The following RNF217 variants were observed in gnomAD, a reference collection of about 807,000 sequenced individuals.
The protein encoded by RNF217 is E3 ubiquitin-protein ligase RNF217.
RNF217 carries 31 observed loss-of-function variants against 57.8 expected under a neutral mutation model. That is an observed-to-expected ratio of 0.54 (90% CI 0.40 to 0.72). The LOEUF is 0.72. Among genes scored for constraint, RNF217 ranks in the 30% least tolerant of loss-of-function variants. The pLI is 0.00. For missense variants in RNF217, 696 were observed against 708.3 expected (o/e 0.98, Z 0.20); for synonymous variants, 313 against 294.0 (o/e 1.06, Z -0.66).
At chr6:125,012,267 A>G (rs1325150901) in intron 1 of RNF217, among the ~76,000 whole-genome samples, 1 of 152,186 alleles carries the variant, frequency 6.6e-6, no homozygotes, top group African/African-American at 2.4e-5. Flanking sequence ...CCTGGTAAGC[A>G]CAACAGAATG....
At chr6:124,998,491 G>A (rs1784834599) in intron 1 of RNF217, among the ~76,000 whole-genome samples, 1 of 151,914 alleles carries the variant, frequency 6.6e-6, no homozygotes, top group South Asian at 2.1e-4. Flanking sequence ...TTTAATATTG[G>A]TCATAACATT....
At chr6:125,033,517 C>A (rs1177589312) in intron 1 of RNF217, among the ~76,000 whole-genome samples, 1 of 149,166 alleles carries the variant, frequency 6.7e-6, no homozygotes, top group Non-Finnish European at 1.5e-5. Context: ...CTACAAAGGA[C>A]ATGAACTCAT....
At chr6:125,034,640 G>C (rs977742298) in intron 1 of RNF217, among the ~76,000 whole-genome samples, 1 of 152,144 alleles carries the variant, frequency 6.6e-6, no homozygotes, top group Non-Finnish European at 1.5e-5. Context: ...GATGCCTCCA[G>C]CTTTGTTCTT....
chr6:124,963,073 C>T lies in RNF217; in HGVS notation c.529C>T (p.Pro177Ser), dbSNP rs908499924. The change falls in exon 1 of 6, where the codon CCC (proline) becomes TCC (serine). Residue 177 changes from proline (P) to serine (S), a missense_variant. Around this residue, in one of 2 missense-constraint regions of RNF217, gnomAD observed 465 missense variants for 386.8 expected, o/e 1.20. Coordinates refer to ENST00000521654, the MANE Select transcript of RNF217 (RefSeq NM_001286398.3). ...CGTGGAGAGCGACCTGCCCGAGGCC[C>T]CCGCCTCGGAGCAGCTCTCGCCGCC... The part of the protein sequence containing the change: ...YCVESDLPEA[P>S]ASEQLSPPAS... 2.8e-5 allele frequency: 44 copies of T among 1,559,070 alleles called. No individual in the cohort carries two copies. The highest frequency in any genetic ancestry group is 4.1e-5 in the African/African-American group (3 of 73,908).
At position 125,058,064 on chromosome 6, in the gene RNF217, T is replaced by C; in HGVS notation, c.1239T>C (p.Ile413=). The change falls in exon 3 of 6, where the codon ATT becomes ATC. Residue 413 remains isoleucine, a synonymous_variant. Coordinates refer to ENST00000521654, the MANE Select transcript of RNF217 (RefSeq NM_001286398.3). The part of the protein sequence containing the change: ...DKLLRHWASE[I]EHGQRNAQKC... ...TGTTGCGTCACTGGGCCAGCGAAAT[T>C]GAGCATGGGCAGAGGAATGCCCAGA... 6.2e-7 allele frequency: 1 copy of C among 1,613,500 alleles called. No individual in the cohort carries two copies. The highest frequency in any genetic ancestry group is 1.1e-5 in the South Asian group (1 of 91,028).
In RNF217 at chr6:124,963,145, C is replaced by A. The variant is rs930371516; in HGVS notation, c.601C>A (p.Arg201Ser). The A allele has an allele frequency of 1.4e-5, 21 of 1,534,048 alleles. No individual in the cohort carries two copies. The African/African-American group carries it at 2.7e-4, about 20-fold the overall frequency. Residue 201 changes from arginine to serine, a missense_variant, in exon 1 of 6, where the codon CGC (arginine) becomes AGC (serine). Coordinates refer to ENST00000521654, the MANE Select transcript of RNF217 (RefSeq NM_001286398.3). ...GCCAGTGTTGAACCCTCCCAGCACCCGCTCTTCCTTCCCCAGCCCCCGACT... is the reference window on the plus strand; with the variant it reads ...GCCAGTGTTGAACCCTCCCAGCACCAGCTCTTCCTTCCCCAGCCCCCGACT... Reference protein sequence around the residue: ...APPVLNPPSTRSSFPSPRLSL... With the variant: ...APPVLNPPSTSSSFPSPRLSL...
intron 1 of RNF217, among the ~76,000 whole-genome samples, chr6:125,041,114 C>G (rs1786863566): frequency 6.6e-6 from 1 of 152,004 alleles, no homozygotes; most frequent in African/African-American, 2.4e-5. Flanking sequence ...TGAAGCAATG[C>G]ATTTATTAAT....
At chr6:125,008,172 C>T (rs1006187447) in intron 1 of RNF217, among the ~76,000 whole-genome samples, 2 of 151,896 alleles carry the variant, frequency 1.3e-5, no homozygotes, top group African/African-American at 2.4e-5. Context: ...AGGAGAATGG[C>T]GTGAACCCAG....
intron 1 of RNF217, among the ~76,000 whole-genome samples, chr6:125,018,816 A>C (rs894627223): frequency 6.6e-6 from 1 of 152,010 alleles, no homozygotes; most frequent in African/African-American, 2.4e-5. Flanking sequence ...AGTAATGAAG[A>C]CTGGAGGTGT....
At chr6:124,990,205 A>T (rs942624902) in intron 1 of RNF217, among the ~76,000 whole-genome samples, 1 of 152,014 alleles carries the variant, frequency 6.6e-6, no homozygotes, top group South Asian at 2.1e-4. Flanking sequence ...TTGTTAATTA[A>T]TCTCCTTCTG....
intron 1 of RNF217, among the ~76,000 whole-genome samples, chr6:125,005,105 A>G (rs1253411522): frequency 6.6e-6 from 1 of 152,096 alleles, no homozygotes; most frequent in East Asian, 1.9e-4. Flanking sequence ...TGAGGGCATA[A>G]CCCTCGTGAC....
chr6:125,065,904 C>G (rs754719829), intron 3 of RNF217, among the ~76,000 whole-genome samples: 4 of 152,160 alleles, frequency 2.6e-5, no homozygotes, highest in African/African-American at 9.7e-5. Context: ...ACATCTTCAA[C>G]CGGATCTAAT....
chr6:124,995,014 A>G (rs2115054522), intron 1 of RNF217, among the ~76,000 whole-genome samples: 1 of 152,322 alleles, frequency 6.6e-6, no homozygotes, highest in East Asian at 1.9e-4. Flanking sequence ...GTATTAACCT[A>G]AGGATAATTT....
intron 1 of RNF217, among the ~76,000 whole-genome samples, chr6:125,016,209 T>C (rs1355608186): frequency 6.6e-6 from 1 of 152,228 alleles, no homozygotes; most frequent in African/African-American, 2.4e-5. Flanking sequence ...TTATTCTTTG[T>C]ACTTTTCCAG....
At chr6:124,964,844 C>T (rs1249121128) in intron 1 of RNF217, among the ~76,000 whole-genome samples, 1 of 152,194 alleles carries the variant, frequency 6.6e-6, no homozygotes, top group African/African-American at 2.4e-5. Context: ...ATAAGCCCGC[C>T]TCCAGGGAAG....
At chr6:124,977,829 A>G (rs1362259672) in intron 1 of RNF217, among the ~76,000 whole-genome samples, 1 of 152,144 alleles carries the variant, frequency 6.6e-6, no homozygotes, top group East Asian at 1.9e-4. Context: ...AAACAAATTG[A>G]AGCACATGTT....
intron 1 of RNF217, among the ~76,000 whole-genome samples, chr6:124,972,418 G>A (rs897269351): frequency 6.6e-6 from 1 of 152,090 alleles, no homozygotes; most frequent in Non-Finnish European, 1.5e-5. Context: ...ATATGCCAGA[G>A]GGTTCTTTAT....
At chr6:125,049,791 A>G (rs141752149) in intron 2 of RNF217, among the ~76,000 whole-genome samples, 1,537 of 151,996 alleles carry the variant, frequency 0.01, 19 homozygotes, top group Admixed American at 0.013. Context: ...GAAAGAAAAC[A>G]TGGGGTGAGT....
At chr6:125,048,202 T>C in intron 2 of RNF217, 1 of 1,353,948 alleles carries the variant, frequency 7.4e-7, no homozygotes, top group Non-Finnish European at 9.8e-7. Flanking sequence ...GTGAGATTCA[T>C]GGCCACAGTA....
Sources: gnomAD v4.1 joint callset for allele counts (sites outside exome capture counted in the v4.1 genomes callset) on GRCh38, gnomAD v4.1.1 for gene constraint, gnomAD v4.1.1 regional missense constraint, MANE v1.5 for transcripts, NCBI Gene and HGNC (gene_info 2026-07-23, HGNC 2026-07-21) for gene names.